Variants in CEP162 observed in about 807,000 individuals in gnomAD.
CEP162 encodes centrosomal protein of 162 kDa.
In CEP162, 141 loss-of-function variants were observed where a neutral mutation model predicts 169.2. That is an observed-to-expected ratio of 0.83 (90% CI 0.73 to 0.96). The LOEUF is 0.96. CEP162 is among the 40% of genes least tolerant of loss of function. The probability of loss-of-function intolerance (pLI) is 0.00; values close to 1 mark genes in which losing one functional copy is unlikely to be tolerated. For synonymous variants in CEP162, 540 were observed against 526.4 expected (o/e 1.03, Z -0.35); for missense variants, 1,600 against 1,587.2 (o/e 1.01, Z -0.14).
chr6:84,176,810 C>T (rs976341971), intron 13 of CEP162, among the ~76,000 whole-genome samples: 2 of 151,942 alleles, frequency 1.3e-5, no homozygotes, highest in African/African-American at 4.8e-5. Flanking sequence ...TCTGCCAGTC[C>T]TTTTATGCCA....
In CEP162 at chr6:84,163,220, T is replaced by C; in HGVS notation, c.2436A>G (p.Lys812=). 6.2e-7 allele frequency: 1 copy of C among 1,611,420 alleles called. No homozygotes were observed. Among genetic ancestry groups the C allele is most frequent in the Non-Finnish European group, 8.5e-7 (1 of 1,177,770 alleles). The part of the protein sequence containing the change: ...LEDIKRLKQD[K]QALEVDFEKM... ...TTTCGAAGTCTACTTCAAGAGCTTG[T>C]TTGTCTTGTTTCAGTCTTTTGATGT... The change falls in exon 19 of 27, where the codon AAA becomes AAG. Residue 812 remains lysine, a synonymous_variant. Transcript: ENST00000403245.
chr6:84,187,853 A>G (rs1043527575), intron 11 of CEP162, among the ~76,000 whole-genome samples: 1 of 152,224 alleles, frequency 6.6e-6, no homozygotes, highest in Non-Finnish European at 1.5e-5. Flanking sequence ...GCTTCTTTTA[A>G]CAAGATATTA....
intron 13 of CEP162, among the ~76,000 whole-genome samples, chr6:84,178,126 T>G (rs2099533140): frequency 6.6e-6 from 1 of 150,898 alleles, no homozygotes. Context: ...TTATTACATT[T>G]TTAAATATAT....
intron 25 of CEP162, among the ~76,000 whole-genome samples, chr6:84,130,475 C>T (rs936887527): frequency 7.9e-5 from 12 of 152,150 alleles, no homozygotes; most frequent in Admixed American, 3.9e-4. Flanking sequence ...CGGCTGTGCA[C>T]CCATCCAGTC....
In CEP162 at chr6:84,125,018, C is replaced by A; in HGVS notation, c.*52G>T. 7.4e-7 allele frequency: 1 copy of A among 1,343,054 alleles called. No homozygotes were observed. The highest frequency in any genetic ancestry group is 1.2e-5 in the South Asian group (1 of 81,630). 83.2% of individuals were successfully genotyped at this position (1,343,054 alleles called of 1,614,324 possible). A position where few individuals can be genotyped will look rare whatever the true frequency, so the allele number is the denominator to read the frequency against. Reference sequence around the variant, plus strand: ...TAAGCTGTCCTGACAGTGGCACAATCCCATCCATCTTCAGGCCTTTTAATA... The same window carrying A: ...TAAGCTGTCCTGACAGTGGCACAATACCATCCATCTTCAGGCCTTTTAATA... On this transcript the variant is annotated 3_prime_UTR_variant, in exon 27 of 27. Coordinates refer to ENST00000403245, the MANE Select transcript of CEP162 (RefSeq NM_014895.4).
At chr6:84,214,006 C>T (rs2099550588) in intron 5 of CEP162, among the ~76,000 whole-genome samples, 1 of 152,244 alleles carries the variant, frequency 6.6e-6, no homozygotes, top group East Asian at 1.9e-4. Context: ...TCGCTGGGCG[C>T]GGTGGCTCAT....
At position 84,153,146 on chromosome 6, in the gene CEP162, G is replaced by T; in HGVS notation, c.3028C>A (p.Gln1010Lys). ...QYEQRLEQQE[Q>K]LLACKLNQHD... ...TGATTCAATTTGCAGGCAAGTAGCT[G>T]CTCCTGCTGCTCTAGTCTTTGTTCA... Residue 1010 changes from glutamine (Q) to lysine (K), a missense_variant, in exon 23 of 27, where the codon CAG becomes AAG. Transcript: ENST00000403245. The T allele has an allele frequency of 6.2e-7, 1 of 1,608,168 alleles. No homozygotes were observed. Among genetic ancestry groups the T allele is most frequent in the Non-Finnish European group, 8.5e-7 (1 of 1,178,164 alleles).
intron 25 of CEP162, among the ~76,000 whole-genome samples, chr6:84,131,204 A>T (rs1341515715): frequency 2.0e-5 from 3 of 152,172 alleles, no homozygotes; most frequent in Non-Finnish European, 4.4e-5. Context: ...ATTTGACTGC[A>T]CTGTGGTCTG....
At chr6:84,165,269 G>A (rs908306216) in intron 18 of CEP162, among the ~76,000 whole-genome samples, 1 of 151,704 alleles carries the variant, frequency 6.6e-6, no homozygotes, top group Non-Finnish European at 1.5e-5. Flanking sequence ...ATAAAATGCA[G>A]GATTTTATTT....
intron 25 of CEP162, among the ~76,000 whole-genome samples, chr6:84,135,023 A>G (rs2099513395): frequency 6.6e-6 from 1 of 152,092 alleles, no homozygotes; most frequent in Admixed American, 6.6e-5. Context: ...ATGAACAAAC[A>G]TGTATTTGCA....
chr6:84,175,833 T>C (rs909983284), intron 13 of CEP162, among the ~76,000 whole-genome samples: 1 of 152,144 alleles, frequency 6.6e-6, no homozygotes, highest in Non-Finnish European at 1.5e-5. Context: ...TGGAATAATA[T>C]AAATTGCACG....
intron 6 of CEP162, among the ~76,000 whole-genome samples, chr6:84,204,612 C>T (rs1387027291): frequency 3.3e-5 from 5 of 152,024 alleles, no homozygotes; most frequent in Admixed American, 1.3e-4. Flanking sequence ...ACTAAATGCC[C>T]ACAAGAAAAA....
intron 13 of CEP162, among the ~76,000 whole-genome samples, chr6:84,183,422 A>T (rs1310085692): frequency 6.6e-6 from 1 of 152,212 alleles, no homozygotes; most frequent in East Asian, 1.9e-4. Context: ...CCATTGGCAT[A>T]GTTTAGGTCT....
chr6:84,165,524 A>T lies in CEP162; in HGVS notation c.2386-2254T>A, dbSNP rs190587436. ...TTATACCTCTAGTATGGCATTTATT[A>T]TTGTTTCCTATGACACTGATTCATG... is the stretch of plus-strand genomic sequence containing the variant. On this transcript the variant is annotated intron_variant, in intron 18 of 26. Transcript: ENST00000403245. 9.9e-5 allele frequency among the ~76,000 whole-genome samples: 15 copies of T among 152,106 alleles called. No individual in the cohort carries two copies. In the East Asian group the frequency reaches 1.6e-3, roughly 16 times the overall value.
chr6:84,187,513 T>C (rs2099537711), intron 11 of CEP162, among the ~76,000 whole-genome samples: 1 of 152,188 alleles, frequency 6.6e-6, no homozygotes, highest in African/African-American at 2.4e-5. Context: ...CTAATCAAAA[T>C]TGTTTCTCAT....
intron 25 of CEP162, among the ~76,000 whole-genome samples, chr6:84,139,558 G>A (rs1193748445): frequency 6.6e-6 from 1 of 152,082 alleles, no homozygotes; most frequent in Non-Finnish European, 1.5e-5. Context: ...GACTTTCTGG[G>A]ATACCCCATC....
At chr6:84,222,448 T>C (rs766327005) in intron 2 of CEP162, among the ~76,000 whole-genome samples, 1 of 152,234 alleles carries the variant, frequency 6.6e-6, no homozygotes, top group Non-Finnish European at 1.5e-5. Flanking sequence ...TCTTGATCCT[T>C]TTTCAATCTC....
chr6:84,175,468 T>C (rs1300431529), intron 13 of CEP162, 121 bp from the exon 14 acceptor site: 2 of 665,008 alleles, frequency 3.0e-6, no homozygotes, highest in African/African-American at 1.9e-5. Context: ...CAGAATAGGC[T>C]GATGGACTAC....
chr6:84,154,379 C>CCTACCTAT (rs2099522340), intron 22 of CEP162, among the ~76,000 whole-genome samples: 1 of 124,796 alleles, frequency 8.0e-6, no homozygotes, highest in African/African-American at 3.4e-5. Flanking sequence ...TATCTATCTA[C>CCTACCTAT]CTATCTATCT....
Sources: allele counts gnomAD v4.1 joint callset (sites outside exome capture counted in the v4.1 genomes callset), GRCh38; gene constraint gnomAD v4.1.1; transcripts MANE v1.5; gene names NCBI Gene and HGNC (gene_info 2026-07-23, HGNC 2026-07-21).